RPTOR: variants seen among roughly 807,000 people sequenced by gnomAD.
RPTOR encodes the protein regulatory-associated protein of mTOR.
In RPTOR, 21 loss-of-function variants were observed where a neutral mutation model predicts 169.9. The ratio of observed to expected loss-of-function variants is 0.12; its 90% CI spans 0.09 to 0.18. The LOEUF is 0.18. Ranked by LOEUF, RPTOR falls within the 10% of genes least tolerant of loss-of-function variation. RPTOR has a pLI of 1.00. For synonymous variants in RPTOR, 732 were observed against 753.2 expected (o/e 0.97, Z 0.46); for missense variants, 1,133 against 1,855.9 (o/e 0.61, Z 7.16).
intron 6 of RPTOR, among the ~76,000 whole-genome samples, chr17:80,786,509 C>A (rs1453209521): frequency 6.6e-6 from 1 of 152,190 alleles, no homozygotes; most frequent in African/African-American, 2.4e-5. Flanking sequence ...GAGCAAAGAA[C>A]CATTCTTGAA....
intron 32 of RPTOR, 149 bp downstream of exon 32, chr17:80,962,726 G>T: frequency 9.1e-7 from 1 of 1,102,640 alleles, no homozygotes; most frequent in Non-Finnish European, 1.3e-6. Flanking sequence ...AAAGATGTCT[G>T]CCCACCACAT....
At chr17:80,824,494 A>G (rs1260710708) in intron 9 of RPTOR, among the ~76,000 whole-genome samples, 2 of 152,228 alleles carry the variant, frequency 1.3e-5, no homozygotes, top group East Asian at 1.9e-4. Context: ...TTGAAAGAGT[A>G]TATTCTCAAA....
intron 20 of RPTOR, 123 bp from the exon 21 acceptor site, chr17:80,908,688 T>C (rs2068574576): frequency 2.9e-6 from 2 of 698,484 alleles, no homozygotes; most frequent in Admixed American, 4.7e-5. Flanking sequence ...GGGCTTCCTG[T>C]AACCTCGGCT....
chr17:80,727,729 C>T (rs1386017963), intron 4 of RPTOR, among the ~76,000 whole-genome samples: 1 of 152,124 alleles, frequency 6.6e-6, no homozygotes, highest in Admixed American at 6.6e-5. Context: ...GCCTAGCAGT[C>T]TCTACCACAC....
chr17:80,963,068 C>A lies in RPTOR; in HGVS notation c.3939+11C>A. On this transcript the variant is annotated intron_variant, in intron 33 of 33. Transcript: ENST00000306801. ...TTCCACCCGCACTGGGTCAGTGTGG[C>A]GGTGGGTGGGGGTCGGGGGTCGGGG... The A allele has an allele frequency of 1.3e-5, 2 of 157,724 alleles. No homozygotes were observed. Among genetic ancestry groups the A allele is most frequent in the Non-Finnish European group, 1.9e-5 (2 of 106,450 alleles). 9.8% of individuals were successfully genotyped at this position (157,724 alleles called of 1,614,324 possible).
chr17:80,728,446 G>GGTGGGTGTGTGTGTGTGTGTGT (rs1555612017), intron 4 of RPTOR, among the ~76,000 whole-genome samples: 1 of 148,176 alleles, frequency 6.7e-6, no homozygotes, highest in African/African-American at 2.5e-5. Flanking sequence ...TCCACTCTGG[G>GGTGGGTGTGTGTGTGTGTGTGT]GTGTGTGTGT....
intron 1 of RPTOR, among the ~76,000 whole-genome samples, chr17:80,564,229 A>AT (rs2084544489): frequency 1.3e-5 from 2 of 151,798 alleles, no homozygotes; most frequent in Admixed American, 6.6e-5. Flanking sequence ...CGCCTGGCTA[A>AT]TTTTTTGTAT....
intron 7 of RPTOR, chr17:80,804,281 C>G (rs2067194967): frequency 6.6e-6 from 1 of 152,316 alleles, no homozygotes; most frequent in African/African-American, 2.4e-5. Context: ...GTGTTCTCAC[C>G]TGAGAAGGCG....
chr17:80,738,117 A>G (rs1315437742), intron 5 of RPTOR, among the ~76,000 whole-genome samples: 1 of 152,190 alleles, frequency 6.6e-6, no homozygotes, highest in Non-Finnish European at 1.5e-5. Context: ...ACACAGGCCC[A>G]TGGAGGATGA....
At chr17:80,685,152 C>A in intron 3 of RPTOR, among the ~76,000 whole-genome samples, 1 of 151,918 alleles carries the variant, frequency 6.6e-6, no homozygotes, top group African/African-American at 2.4e-5. Context: ...GGAGTCGCCC[C>A]TCATTCAGGG....
At chr17:80,906,477 C>T (rs893165928) in intron 20 of RPTOR, among the ~76,000 whole-genome samples, 1 of 152,210 alleles carries the variant, frequency 6.6e-6, no homozygotes, top group Non-Finnish European at 1.5e-5. Flanking sequence ...GGCACCGTGG[C>T]GCTGAAGTCC....
At chr17:80,918,769 G>A (rs12944674) in intron 21 of RPTOR, among the ~76,000 whole-genome samples, 48,740 of 152,072 alleles carry the variant, frequency 0.32, 7,861 homozygotes, top group East Asian at 0.43. Context: ...GCAGAGCCCC[G>A]TCCCTGTGCT....
At position 80,945,649 on chromosome 17, in the gene RPTOR, G is replaced by C. The variant is rs201002965; in HGVS notation, c.3026-18G>C. The stretch of plus-strand genomic sequence containing the variant: ...GATGCTGGCTCCTGGATCCACTCTT[G>C]TGTGTTTCTTTTGACAGGCATTACG... On this transcript the variant is annotated intron_variant, in intron 25 of 33. Coordinates refer to ENST00000306801, the MANE Select transcript of RPTOR (RefSeq NM_020761.3). 1.1e-4 allele frequency: 159 copies of C among 1,493,282 alleles called. No individual in the cohort carries two copies. Among genetic ancestry groups the C allele is most frequent in the Non-Finnish European group, 1.4e-4 (151 of 1,075,928 alleles). 92.5% of individuals were successfully genotyped at this position (1,493,282 alleles called of 1,614,324 possible). A position where few individuals can be genotyped will look rare whatever the true frequency, so the allele number is the denominator to read the frequency against.
At chr17:80,663,587 T>C (rs1234629234) in intron 3 of RPTOR, among the ~76,000 whole-genome samples, 2 of 152,096 alleles carry the variant, frequency 1.3e-5, no homozygotes, top group Non-Finnish European at 2.9e-5. Context: ...TGGCAGGGAG[T>C]GAAGGCAGCC....
chr17:80,572,200 T>G (rs955592643), intron 1 of RPTOR, among the ~76,000 whole-genome samples: 5 of 152,062 alleles, frequency 3.3e-5, no homozygotes, highest in Non-Finnish European at 1.5e-5. Flanking sequence ...CACGGTCAGG[T>G]GATCTTCCCA....
chr17:80,853,458 G>A (rs1298589227), intron 11 of RPTOR, among the ~76,000 whole-genome samples: 1 of 152,186 alleles, frequency 6.6e-6, no homozygotes, highest in Non-Finnish European at 1.5e-5. Context: ...TGATGGGGCG[G>A]TCATTTGTTT....
intron 1 of RPTOR, among the ~76,000 whole-genome samples, chr17:80,558,644 C>G (rs2084440556): frequency 6.6e-6 from 1 of 152,190 alleles, no homozygotes; most frequent in South Asian, 2.1e-4. Flanking sequence ...GCTGGAGATG[C>G]TGTCCCCCTT....
chr17:80,636,593 C>A (rs775070595), intron 2 of RPTOR, among the ~76,000 whole-genome samples: 15 of 152,162 alleles, frequency 9.9e-5, no homozygotes, highest in Admixed American at 7.2e-4. Context: ...GAAACACGAT[C>A]GCCTCCTGAA....
At chr17:80,658,209 A>C (rs1461646942) in intron 3 of RPTOR, among the ~76,000 whole-genome samples, 1 of 152,164 alleles carries the variant, frequency 6.6e-6, no homozygotes, top group Non-Finnish European at 1.5e-5. Flanking sequence ...TACACTTATT[A>C]ATGTTCTTTA....
Sources: gnomAD v4.1 joint callset for allele counts (sites outside exome capture counted in the v4.1 genomes callset) on GRCh38, gnomAD v4.1.1 for gene constraint, MANE v1.5 for transcripts, NCBI Gene and HGNC (gene_info 2026-07-23, HGNC 2026-07-21) for gene names.